Variants in FBN2 observed in about 807,000 individuals in gnomAD.
The protein encoded by FBN2 is fibrillin 2.
In FBN2, 105 loss-of-function variants were observed where a neutral mutation model predicts 355.6. The observed-to-expected ratio is 0.30, with a 90% confidence interval of 0.25 to 0.35. The LOEUF is 0.35. Among genes scored for constraint, FBN2 ranks in the 10% least tolerant of loss-of-function variants. The pLI is 1.00. For missense variants in FBN2, 3,280 were observed against 3,758.7 expected, an observed-to-expected ratio of 0.87 and a Z score of 3.33; for synonymous variants, 1,350 against 1,301.2, an observed-to-expected ratio of 1.04 and a Z score of -0.81.
At chr5:128,345,279 A>G in intron 24 of FBN2, 78 bp downstream of exon 24, 1 of 1,226,472 alleles carries the variant, frequency 8.2e-7, no homozygotes, top group South Asian at 1.2e-5. Context: ...AAACATTTAA[A>G]GCAAAACCAA....
chr5:128,332,812 A>G (rs1750728475), intron 32 of FBN2, 100 bp downstream of exon 32: 2 of 1,162,970 alleles, frequency 1.7e-6, no homozygotes, highest in Non-Finnish European at 1.3e-6. Context: ...CTTTTTATAA[A>G]GGAATTAATA....
intron 25 of FBN2, among the ~76,000 whole-genome samples, chr5:128,344,133 C>T (rs2126911540): frequency 6.6e-6 from 1 of 152,172 alleles, no homozygotes; most frequent in South Asian, 2.1e-4. Flanking sequence ...CACCTGTGCT[C>T]CCAGTTACTT....
At chr5:128,423,924 A>G (rs776910311) in intron 7 of FBN2, among the ~76,000 whole-genome samples, 3 of 152,192 alleles carry the variant, frequency 2.0e-5, no homozygotes, top group Non-Finnish European at 4.4e-5. Context: ...TAGGAAATAT[A>G]TTTAGACTCC....
intron 7 of FBN2, 34 bp from the exon 8 acceptor site, chr5:128,408,833 A>G: frequency 6.2e-7 from 1 of 1,613,216 alleles, no homozygotes; most frequent in Non-Finnish European, 8.5e-7. Context: ...ATGATTGAGA[A>G]AGGCCTTCAT....
At chr5:128,478,588 T>C (rs548823060) in intron 5 of FBN2, among the ~76,000 whole-genome samples, 4 of 152,328 alleles carry the variant, frequency 2.6e-5, no homozygotes, top group East Asian at 1.9e-4. Flanking sequence ...CAACATAAAA[T>C]GGTAATTAAA....
rs146934868 is a variant in FBN2, at chr5:128,289,303, C to T, written c.6512-51G>A. 1.1e-4 allele frequency: 171 copies of T among 1,601,732 alleles called. 3 individuals are homozygous for T. In the East Asian group the frequency reaches 3.3e-3, roughly 31 times the overall value. On this transcript the variant is annotated intron_variant, in intron 51 of 64. Coordinates refer to ENST00000262464, the MANE Select transcript of FBN2 (RefSeq NM_001999.4). ...TTCCTCATATAAAAAGATATGCCGG[C>T]CAGGCGCAGTGGCTCATGCTTATAA...
intron 32 of FBN2, among the ~76,000 whole-genome samples, chr5:128,331,529 C>A (rs368290851): frequency 6.6e-6 from 1 of 152,084 alleles, no homozygotes; most frequent in Non-Finnish European, 1.5e-5. Context: ...AATTTTATCC[C>A]GAATTCAATG....
At chr5:128,399,636 G>C (rs1173559961) in intron 8 of FBN2, among the ~76,000 whole-genome samples, 1 of 152,076 alleles carries the variant, frequency 6.6e-6, no homozygotes, top group Non-Finnish European at 1.5e-5. Context: ...TAATGATTAA[G>C]TTGTCACACA....
In FBN2 at chr5:128,523,961, G is replaced by C. The variant is rs372948779; in HGVS notation, c.532+3911C>G. 7.9e-5 allele frequency among the ~76,000 whole-genome samples: 12 copies of C among 151,974 alleles called. No individual in the cohort carries two copies. The East Asian group carries it at 2.3e-3, about 29-fold the overall frequency. On this transcript the variant is annotated intron_variant, in intron 4 of 64. Coordinates refer to ENST00000262464, the MANE Select transcript of FBN2 (RefSeq NM_001999.4). ...TAATCCAGGCTCAACACAGCAGACA[G>C]GTGATTTTTTTTTAATGTTAACCAG...
intron 50 of FBN2, 80 bp from the exon 51 acceptor site, chr5:128,290,027 T>C: frequency 1.3e-6 from 1 of 793,690 alleles, no homozygotes; most frequent in Non-Finnish European, 2.2e-6. Context: ...ACAATATACA[T>C]GAAATTACAC....
At chr5:128,311,223 TG>T in intron 39 of FBN2, 76 bp downstream of exon 39, 1 of 1,487,298 alleles carries the variant, frequency 6.7e-7, no homozygotes, top group Non-Finnish European at 9.4e-7. Flanking sequence ...AATGTGAGGA[TG>T]GGCCTTTCCC....
chr5:128,402,446 C>T (rs1752821925), intron 8 of FBN2, among the ~76,000 whole-genome samples: 1 of 151,982 alleles, frequency 6.6e-6, no homozygotes, highest in Non-Finnish European at 1.5e-5. Context: ...GGAAGTAATT[C>T]ATCTCCTCTG....
At chr5:128,357,439 T>C in intron 19 of FBN2, 44 bp from the exon 20 acceptor site, 1 of 1,612,286 alleles carries the variant, frequency 6.2e-7, no homozygotes, top group Non-Finnish European at 8.5e-7. Flanking sequence ...TGCCATGTGT[T>C]TCTGGAAAAT....
chr5:128,305,812 A>T lies in FBN2; in HGVS notation c.5548+11T>A, dbSNP rs1309650690. On this transcript the variant is annotated intron_variant, in intron 43 of 64. Transcript: ENST00000262464. ...TTATACTGGATAAAGGACATACTTT[A>T]TTCAGATTACCTTCACAAACCAACA... is the stretch of plus-strand genomic sequence containing the variant. 6.2e-7 allele frequency: 1 copy of T among 1,613,912 alleles called. No homozygotes were observed. Among genetic ancestry groups the T allele is most frequent in the Admixed American group, 1.7e-5 (1 of 59,996 alleles).
intron 55 of FBN2, among the ~76,000 whole-genome samples, chr5:128,285,631 TAA>T (rs893168686): frequency 6.8e-6 from 1 of 146,412 alleles, no homozygotes; most frequent in African/African-American, 2.5e-5. Flanking sequence ...TCATGCAGAC[TAA>T]GTTTCTCACT....
In FBN2 at chr5:128,312,759, G is replaced by T; in HGVS notation, c.4754C>A (p.Pro1585His). The T allele has an allele frequency of 2.5e-6, 4 of 1,613,842 alleles. No homozygotes were observed. Among genetic ancestry groups the T allele is most frequent in the Non-Finnish European group, 3.4e-6 (4 of 1,179,994 alleles). The change falls in exon 37 of 65, where the codon CCT becomes CAT. Residue 1585 changes from proline to histidine, a missense_variant. Around this residue, in one of 6 missense-constraint regions of FBN2, gnomAD observed 2,284 missense variants for 2,749.5 expected, o/e 0.83. Transcript: ENST00000262464. ...GCAAGACAGACTCCCATCTCCTCGA[G>T]GTCCAAACTTCAGGTAGCAGTTGCC... ...RVGNCYLKFGPRGDGSLSCNT... is the reference protein window; with the variant it reads ...RVGNCYLKFGHRGDGSLSCNT...
chr5:128,335,432 C>T, intron 29 of FBN2, 23 bp downstream of exon 29: 1 of 1,614,040 alleles, frequency 6.2e-7, no homozygotes, highest in Non-Finnish European at 8.5e-7. Flanking sequence ...ATGTACAAAA[C>T]CTGTGTGTTT....
At chr5:128,367,196 G>T (rs1751794941) in intron 16 of FBN2, among the ~76,000 whole-genome samples, 1 of 151,990 alleles carries the variant, frequency 6.6e-6, no homozygotes, top group African/African-American at 2.4e-5. Flanking sequence ...CCCTTTTAAG[G>T]TTTTAGATAG....
chr5:128,502,637 GGA>G (rs1755850029), intron 5 of FBN2, among the ~76,000 whole-genome samples: 3 of 152,126 alleles, frequency 2.0e-5, no homozygotes, highest in African/African-American at 7.2e-5. Context: ...CCCTTATGGT[GGA>G]GAGATAAAAG....
Sources: allele counts gnomAD v4.1 joint callset (sites outside exome capture counted in the v4.1 genomes callset), GRCh38; gene constraint gnomAD v4.1.1; regional missense constraint gnomAD v4.1.1; transcripts MANE v1.5; gene names NCBI Gene and HGNC (gene_info 2026-07-23, HGNC 2026-07-21).